Variants in PCSK2 observed in about 807,000 individuals in gnomAD.
PCSK2 encodes proprotein convertase subtilisin/kexin type 2.
In PCSK2, 14 loss-of-function variants were observed where a neutral mutation model predicts 69.7. The observed-to-expected ratio is 0.20, with a 90% CI of 0.13 to 0.31. PCSK2 has a LOEUF of 0.31. Among genes scored for constraint, PCSK2 ranks in the 10% least tolerant of loss-of-function variants. PCSK2 has a pLI of 1.00. For missense variants in PCSK2, 544 were observed against 842.5 expected, an observed-to-expected ratio of 0.65 and a Z score of 4.39; for synonymous variants, 307 against 320.7, an observed-to-expected ratio of 0.96 and a Z score of 0.46.
At chr20:17,466,068 T>C (rs1424507327) in intron 11 of PCSK2, among the ~76,000 whole-genome samples, 1 of 152,174 alleles carries the variant, frequency 6.6e-6, no homozygotes, top group Non-Finnish European at 1.5e-5. Context: ...CTGCTTTTGG[T>C]TGTGAGCCTT....
chr20:17,300,583 C>A (rs566655157), intron 2 of PCSK2, among the ~76,000 whole-genome samples: 1 of 152,344 alleles, frequency 6.6e-6, no homozygotes, highest in Admixed American at 6.5e-5. Flanking sequence ...CTGTGTCCAA[C>A]TCGCTGTCTC....
At chr20:17,277,954 A>C (rs1260495344) in intron 2 of PCSK2, among the ~76,000 whole-genome samples, 3 of 152,070 alleles carry the variant, frequency 2.0e-5, no homozygotes, top group East Asian at 1.9e-4. Context: ...ATGCAGCCAA[A>C]AAACACATGA....
At chr20:17,358,511 C>T (rs557861611) in intron 3 of PCSK2, 71 bp downstream of exon 3, 17 of 852,260 alleles carry the variant, frequency 2.0e-5, no homozygotes, top group Admixed American at 2.0e-4. Context: ...TTCCTGTATC[C>T]TCATTATTCA....
chr20:17,358,387 A>G lies in PCSK2; in HGVS notation c.343A>G (p.Asn115Asp), dbSNP rs957874782. ...DRKKRGYRDI[N>D]EIDINMNDPL... ...AAAAAAGCGAGGTTACAGAGACATC[A>G]ATGAGATCGACATCAACATGAACGA... The change falls in exon 3 of 12, where the codon AAT (asparagine) becomes GAT (aspartate). Residue 115 changes from asparagine to aspartate, a missense_variant. This residue lies in a region of PCSK2 where 157 missense variants were observed against 155.0 expected (regional missense o/e 1.01). Coordinates refer to ENST00000262545, the MANE Select transcript of PCSK2 (RefSeq NM_002594.5). 1.2e-6 allele frequency: 2 copies of G among 1,613,004 alleles called. No homozygotes were observed. Among genetic ancestry groups the G allele is most frequent in the African/African-American group, 2.7e-5 (2 of 74,914 alleles).
At chr20:17,398,298 G>A (rs1379185504) in intron 5 of PCSK2, among the ~76,000 whole-genome samples, 1 of 152,122 alleles carries the variant, frequency 6.6e-6, no homozygotes, top group Non-Finnish European at 1.5e-5. Context: ...GCCAAGGTGG[G>A]AGGGTCGCTT....
intron 5 of PCSK2, among the ~76,000 whole-genome samples, chr20:17,382,994 T>A (rs1338679085): frequency 2.6e-5 from 4 of 152,194 alleles, no homozygotes; most frequent in African/African-American, 4.8e-5. Flanking sequence ...TGTGGTTCTG[T>A]ATTTTTGTTT....
At position 17,432,462 on chromosome 20, in the gene PCSK2, GATTTA is replaced by G. The variant is rs531956941; in HGVS notation, c.709+2943_709+2947del. The stretch of plus-strand genomic sequence containing the variant: ...GTTTATTTACATTTCCATTTTCACT[GATTTA>G]ATTGTATAAATTTTGAAGAAAAATA... On this transcript the variant is annotated intron_variant, in intron 7 of 11. Transcript: ENST00000262545. Among the ~76,000 whole-genome samples, 228 of 152,192 alleles carry G rather than the reference GATTTA, an allele frequency of 1.5e-3. 1 individual carries two copies. Among genetic ancestry groups the G allele is most frequent in the African/African-American group, 5.0e-3 (208 of 41,530 alleles).
At chr20:17,385,181 T>C (rs1038220222) in intron 5 of PCSK2, among the ~76,000 whole-genome samples, 2 of 152,210 alleles carry the variant, frequency 1.3e-5, no homozygotes, top group Non-Finnish European at 2.9e-5. Context: ...TTTTACTATT[T>C]GATCCTTTAA....
At chr20:17,359,211 G>A (rs931784540) in intron 3 of PCSK2, among the ~76,000 whole-genome samples, 3 of 152,272 alleles carry the variant, frequency 2.0e-5, no homozygotes, top group South Asian at 2.1e-4. Flanking sequence ...CCTTGTGGAC[G>A]GCTACATTAC....
chr20:17,391,526 T>C, intron 5 of PCSK2, among the ~76,000 whole-genome samples: 1 of 151,966 alleles, frequency 6.6e-6, no homozygotes. Context: ...TGAAGACAAA[T>C]GGAAGGGAGC....
chr20:17,381,281 C>A (rs115619863), intron 5 of PCSK2, among the ~76,000 whole-genome samples: 208 of 152,318 alleles, frequency 1.4e-3, no homozygotes, highest in African/African-American at 4.9e-3. Flanking sequence ...CTTAACATCA[C>A]CGGGAGTATT....
At chr20:17,238,853 G>A (rs1986443061) in intron 1 of PCSK2, among the ~76,000 whole-genome samples, 1 of 152,104 alleles carries the variant, frequency 6.6e-6, no homozygotes, top group Non-Finnish European at 1.5e-5. Context: ...GACAGAATAG[G>A]AATTTATACT....
At chr20:17,303,839 C>A (rs1375077812) in intron 2 of PCSK2, among the ~76,000 whole-genome samples, 1 of 149,066 alleles carries the variant, frequency 6.7e-6, no homozygotes, top group Non-Finnish European at 1.5e-5. Context: ...CCCGCCCTCC[C>A]AAAGTGCTGG....
intron 1 of PCSK2, among the ~76,000 whole-genome samples, chr20:17,258,793 T>TGTGTGC (rs1555782149): frequency 1.3e-5 from 2 of 151,676 alleles, no homozygotes; most frequent in East Asian, 3.9e-4. Context: ...TGTGTGTGTG[T>TGTGTGC]GTGTTTAAGC....
chr20:17,259,609 A>G (rs997299579), intron 1 of PCSK2, among the ~76,000 whole-genome samples: 6 of 152,154 alleles, frequency 3.9e-5, no homozygotes, highest in Middle Eastern at 3.4e-3. Flanking sequence ...GCCAAAGACA[A>G]CCTCTCATTA....
At chr20:17,450,270 C>A (rs550310954) in intron 8 of PCSK2, among the ~76,000 whole-genome samples, 1 of 151,884 alleles carries the variant, frequency 6.6e-6, no homozygotes, top group South Asian at 2.1e-4. Context: ...CCTCGTGATC[C>A]GCCCACCTCG....
chr20:17,455,037 C>T (rs2032894519), intron 9 of PCSK2, among the ~76,000 whole-genome samples: 3 of 152,106 alleles, frequency 2.0e-5, no homozygotes, highest in African/African-American at 4.8e-5. Context: ...CCCTCTTATC[C>T]TGTAAGCTGT....
chr20:17,393,472 T>C (rs980218442), intron 5 of PCSK2, among the ~76,000 whole-genome samples: 2 of 152,198 alleles, frequency 1.3e-5, no homozygotes, highest in African/African-American at 4.8e-5. Context: ...AAAAAAAAGT[T>C]AGAATTATCA....
intron 5 of PCSK2, among the ~76,000 whole-genome samples, chr20:17,401,454 C>T (rs934205776): frequency 5.3e-5 from 8 of 152,104 alleles, no homozygotes; most frequent in Admixed American, 3.3e-4. Flanking sequence ...ATGAGGGCTC[C>T]ACCCTCATGA....
Sources: gnomAD v4.1 joint callset for allele counts (sites outside exome capture counted in the v4.1 genomes callset) on GRCh38, gnomAD v4.1.1 for gene constraint, gnomAD v4.1.1 regional missense constraint, MANE v1.5 for transcripts, NCBI Gene and HGNC (gene_info 2026-07-23, HGNC 2026-07-21) for gene names.